POU2AF2: variants seen among roughly 807,000 people sequenced by gnomAD.
POU2AF2 encodes POU domain class 2-associating factor 2.
chr11:111,258,375 C>T, the POU2AF2 span, among the ~76,000 whole-genome samples: 3 of 152,176 alleles, frequency 2.0e-5, no homozygotes, highest in Non-Finnish European at 4.4e-5. Flanking sequence ...AGGGAATAAA[C>T]ATGGTGTCTG....
At chr11:111,276,584 G>A in the POU2AF2 span, among the ~76,000 whole-genome samples, 54 of 146,924 alleles carry the variant, frequency 3.7e-4, no homozygotes, top group East Asian at 1.6e-3. Flanking sequence ...GGAGGTTGCC[G>A]TGAGCTGAGA....
chr11:111,261,811 T>C, the POU2AF2 span, among the ~76,000 whole-genome samples: 51 of 152,354 alleles, frequency 3.3e-4, 1 homozygote, highest in East Asian at 8.7e-3. Flanking sequence ...TCCTTCAAGT[T>C]AATATCCTAC....
At chr11:111,276,318 C>T in the POU2AF2 span, among the ~76,000 whole-genome samples, 1 of 151,072 alleles carries the variant, frequency 6.6e-6, no homozygotes, top group Non-Finnish European at 1.5e-5. Flanking sequence ...CAGATACTGG[C>T]CGGGCGCGGT....
At chr11:111,262,959 G>T in the POU2AF2 span, among the ~76,000 whole-genome samples, 17 of 152,082 alleles carry the variant, frequency 1.1e-4, no homozygotes, top group Non-Finnish European at 1.9e-4. Flanking sequence ...ATTCCAAGTG[G>T]TCTGTTTTTT....
At chr11:111,281,177 G>C in the POU2AF2 span, among the ~76,000 whole-genome samples, 256 of 152,288 alleles carry the variant, frequency 1.7e-3, 2 homozygotes, top group Non-Finnish European at 1.5e-3. Flanking sequence ...GTGCTTTCTG[G>C]CATGTTTATC....
At chr11:111,263,728 G>A in the POU2AF2 span, among the ~76,000 whole-genome samples, 1 of 152,148 alleles carries the variant, frequency 6.6e-6, no homozygotes, top group African/African-American at 2.4e-5. Flanking sequence ...ACTGTGCCCA[G>A]CCTGAAGTTC....
the POU2AF2 span, among the ~76,000 whole-genome samples, chr11:111,268,480 TTATTTTATTTTATTTTATTTTA>T: frequency 4.2e-5 from 1 of 23,970 alleles, no homozygotes; most frequent in African/African-American, 1.8e-4. Context: ...TTTTCTTTTT[TTATTTTATTTTATTTTATTTTA>T]TTTTATTTTA....
the POU2AF2 span, chr11:111,284,102 G>C: frequency 1.2e-6 from 2 of 1,614,100 alleles, no homozygotes; most frequent in Non-Finnish European, 8.5e-7. Flanking sequence ...AGGTTACTAC[G>C]GTGTCAGAAG....
At chr11:111,254,518 G>A in the POU2AF2 span, among the ~76,000 whole-genome samples, 6 of 152,076 alleles carry the variant, frequency 3.9e-5, no homozygotes, top group South Asian at 4.1e-4. Context: ...AGACAGCTAA[G>A]AAGAGGTGAT....
the POU2AF2 span, among the ~76,000 whole-genome samples, chr11:111,276,453 A>AAAATATAGATATATATAT: frequency 4.1e-3 from 153 of 37,666 alleles, 6 homozygotes; most frequent in Non-Finnish European, 6.8e-3. Flanking sequence ...AAAAAAAAAA[A>AAAATATAGATATATATAT]ATATATATAT....
the POU2AF2 span, among the ~76,000 whole-genome samples, chr11:111,251,583 G>C: frequency 6.6e-6 from 1 of 152,166 alleles, no homozygotes; most frequent in Non-Finnish European, 1.5e-5. Flanking sequence ...TCTGCTTCCT[G>C]TCTCTTTGTT....
the POU2AF2 span, among the ~76,000 whole-genome samples, chr11:111,265,623 T>C: frequency 6.6e-6 from 1 of 152,162 alleles, no homozygotes; most frequent in African/African-American, 2.4e-5. Flanking sequence ...CTGTAAATGC[T>C]CAGCATATGG....
chr11:111,284,283 C>A, the POU2AF2 span: 1 of 1,613,852 alleles, frequency 6.2e-7, no homozygotes, highest in Non-Finnish European at 8.5e-7. Flanking sequence ...CGGCCTCCGG[C>A]GCTGACGCCC....
chr11:111,264,538 A>G, the POU2AF2 span, among the ~76,000 whole-genome samples: 8 of 68,722 alleles, frequency 1.2e-4, no homozygotes, highest in Admixed American at 3.7e-4. Flanking sequence ...GAAAGAAAGA[A>G]AGAAAGAAAG....
At chr11:111,267,423 G>A in the POU2AF2 span, among the ~76,000 whole-genome samples, 1 of 152,048 alleles carries the variant, frequency 6.6e-6, no homozygotes, top group Non-Finnish European at 1.5e-5. Flanking sequence ...CCTCTTTTCT[G>A]TTCTCTAGAG....
chr11:111,264,568 GAA>G, the POU2AF2 span, among the ~76,000 whole-genome samples: 2,057 of 34,568 alleles, frequency 0.06, 290 homozygotes, highest in Middle Eastern at 0.15. Context: ...AAGAAAGAAA[GAA>G]AGAAAGGGAG....
the POU2AF2 span, among the ~76,000 whole-genome samples, chr11:111,253,965 G>A: frequency 3.3e-5 from 5 of 152,124 alleles, no homozygotes; most frequent in Non-Finnish European, 7.3e-5. Flanking sequence ...ACAAGGAAGT[G>A]ATGCGTTCTG....
At chr11:111,276,379 C>G in the POU2AF2 span, among the ~76,000 whole-genome samples, 2 of 145,032 alleles carry the variant, frequency 1.4e-5, no homozygotes, top group East Asian at 4.1e-4. Flanking sequence ...AGGTGGATCA[C>G]AAGGTCAAGA....
chr11:111,263,233 T>C, the POU2AF2 span, among the ~76,000 whole-genome samples: 1 of 152,190 alleles, frequency 6.6e-6, no homozygotes, highest in East Asian at 1.9e-4. Flanking sequence ...TTTATTTATC[T>C]TTGTTATTTT....
Sources: gnomAD v4.1 joint callset for allele counts (sites outside exome capture counted in the v4.1 genomes callset) on GRCh38, gnomAD v4.1.1 for gene constraint, MANE v1.5 for transcripts, NCBI Gene and HGNC (gene_info 2026-07-23, HGNC 2026-07-21) for gene names.